The following NCK2 variants were observed in gnomAD, a reference collection of about 807,000 sequenced individuals.
NCK2 encodes NCK adaptor protein 2.
A neutral mutation model predicts 33.9 loss-of-function variants in NCK2; 16 were observed. That is an observed-to-expected ratio of 0.47 (90% CI 0.32 to 0.72). The LOEUF is 0.72. Among genes scored for constraint, NCK2 ranks in the 30% least tolerant of loss-of-function variants. The pLI is 0.03. For missense variants in NCK2, 418 were observed against 537.3 expected (o/e 0.78, Z 2.19); for synonymous variants, 273 against 239.9 (o/e 1.14, Z -1.27).
chr2:105,806,855 C>T (rs990327870), intron 1 of NCK2, among the ~76,000 whole-genome samples: 9 of 152,184 alleles, frequency 5.9e-5, no homozygotes, highest in African/African-American at 2.2e-4. Context: ...ACCCAACCAA[C>T]CATCCTACAG....
At chr2:105,880,481 T>C (rs1203062983) in intron 3 of NCK2, among the ~76,000 whole-genome samples, 1 of 152,172 alleles carries the variant, frequency 6.6e-6, no homozygotes, top group African/African-American at 2.4e-5. Context: ...AGGGCTGTTA[T>C]GCTGCCCAGG....
At chr2:105,844,710 G>A (rs927700167) in intron 2 of NCK2, among the ~76,000 whole-genome samples, 2 of 147,920 alleles carry the variant, frequency 1.4e-5, no homozygotes, top group Non-Finnish European at 3.0e-5. Flanking sequence ...ACTCCAGCCT[G>A]AGCAACAGAG....
chr2:105,819,882 T>C (rs1675656302), intron 2 of NCK2, among the ~76,000 whole-genome samples: 2 of 152,136 alleles, frequency 1.3e-5, no homozygotes, highest in African/African-American at 4.8e-5. Flanking sequence ...ACCTGTATTT[T>C]GGGCTATTTT....
chr2:105,802,696 G>A (rs1040777846), intron 1 of NCK2, among the ~76,000 whole-genome samples: 1 of 152,320 alleles, frequency 6.6e-6, no homozygotes, highest in Non-Finnish European at 1.5e-5. Flanking sequence ...CCGCCCTCGC[G>A]ATGCAGACAC....
chr2:105,876,375 A>C (rs372077930), intron 3 of NCK2, among the ~76,000 whole-genome samples: 15 of 152,208 alleles, frequency 9.9e-5, no homozygotes, highest in African/African-American at 3.4e-4. Flanking sequence ...GTGAGGACCC[A>C]CCTACCTCAC....
intron 1 of NCK2, among the ~76,000 whole-genome samples, chr2:105,762,425 T>C (rs1383519887): frequency 5.3e-5 from 8 of 152,144 alleles, no homozygotes; most frequent in Admixed American, 3.9e-4. Context: ...GTCTCTTCTG[T>C]AGTCTGGACT....
At chr2:105,835,391 A>ATATATATATATATATATATGTG (rs1558861842) in intron 2 of NCK2, among the ~76,000 whole-genome samples, 3 of 38,108 alleles carry the variant, frequency 7.9e-5, no homozygotes, top group African/African-American at 3.5e-4. Flanking sequence ...ATATACACAT[A>ATATATATATATATATATATGTG]TATATATATA....
At chr2:105,879,608 A>G (rs1678385168) in intron 3 of NCK2, among the ~76,000 whole-genome samples, 1 of 152,266 alleles carries the variant, frequency 6.6e-6, no homozygotes, top group Non-Finnish European at 1.5e-5. Context: ...AGAGGCCATT[A>G]GCATAAATGA....
chr2:105,852,381 A>G (rs1027124644), intron 2 of NCK2, among the ~76,000 whole-genome samples: 3 of 152,062 alleles, frequency 2.0e-5, no homozygotes, highest in African/African-American at 7.2e-5. Context: ...TTTCCCATCT[A>G]AGGCTCGGAA....
At chr2:105,847,537 C>T in intron 2 of NCK2, among the ~76,000 whole-genome samples, 1 of 151,790 alleles carries the variant, frequency 6.6e-6, no homozygotes, top group Non-Finnish European at 1.5e-5. Context: ...AACTGGCCTC[C>T]CTAGAAGTAA....
rs1004154669 is a variant in NCK2, at chr2:105,773,578, T to G, written c.-201+28440T>G. ...CTTTCCTTCCCCTTCCCCAGTCCTC[T>G]GTCAGCACCCAATACCATAGTATCC... is the stretch of plus-strand genomic sequence containing the variant. On this transcript the variant is annotated intron_variant, in intron 1 of 4. Coordinates refer to ENST00000233154, the MANE Select transcript of NCK2 (RefSeq NM_003581.5). Among the ~76,000 whole-genome samples the G allele has an allele frequency of 3.9e-5, 6 of 152,300 alleles. No individual in the cohort carries two copies. The East Asian group carries it at 1.2e-3, about 29-fold the overall frequency.
chr2:105,835,902 G>T (rs7574880), intron 2 of NCK2, among the ~76,000 whole-genome samples: 2,084 of 151,356 alleles, frequency 0.014, 48 homozygotes, highest in African/African-American at 0.048. Context: ...TCTTCTGCTT[G>T]ATCTAGTCTC....
chr2:105,801,408 G>A (rs543892840), intron 1 of NCK2, among the ~76,000 whole-genome samples: 66 of 151,684 alleles, frequency 4.4e-4, no homozygotes, highest in Non-Finnish European at 4.4e-5. Flanking sequence ...GTTGAGGGAT[G>A]TGCTTTTTTC....
chr2:105,769,810 A>G (rs1400047245), intron 1 of NCK2, among the ~76,000 whole-genome samples: 10 of 152,134 alleles, frequency 6.6e-5, no homozygotes, highest in Admixed American at 5.9e-4. Context: ...TAGAAGGTAA[A>G]CCGGAGAAAA....
chr2:105,848,119 A>G (rs1008851843), intron 2 of NCK2, among the ~76,000 whole-genome samples: 3 of 152,264 alleles, frequency 2.0e-5, no homozygotes, highest in Admixed American at 6.5e-5. Flanking sequence ...TTACGTGGAC[A>G]TTAGCAGAGC....
intron 1 of NCK2, among the ~76,000 whole-genome samples, chr2:105,756,720 C>A (rs1436778664): frequency 1.3e-5 from 2 of 152,222 alleles, no homozygotes; most frequent in African/African-American, 4.8e-5. Flanking sequence ...TATTGAAGTC[C>A]CCTCGTCCCT....
intron 1 of NCK2, among the ~76,000 whole-genome samples, chr2:105,792,996 C>G (rs1227339684): frequency 1.3e-5 from 2 of 152,154 alleles, no homozygotes; most frequent in Non-Finnish European, 2.9e-5. Flanking sequence ...CAGCTTTTCC[C>G]TAATGGTGGG....
intron 1 of NCK2, among the ~76,000 whole-genome samples, chr2:105,758,881 A>T (rs1689675860): frequency 6.6e-6 from 1 of 152,224 alleles, no homozygotes; most frequent in Non-Finnish European, 1.5e-5. Flanking sequence ...GCTTTGTTTA[A>T]CATCTGAAAC....
At chr2:105,879,568 T>C (rs1166939785) in intron 3 of NCK2, among the ~76,000 whole-genome samples, 1 of 152,272 alleles carries the variant, frequency 6.6e-6, no homozygotes, top group Non-Finnish European at 1.5e-5. Context: ...CCCATGCACA[T>C]GCATAAAATG....
Sources: gnomAD v4.1 joint callset for allele counts (sites outside exome capture counted in the v4.1 genomes callset) on GRCh38, gnomAD v4.1.1 for gene constraint, MANE v1.5 for transcripts, NCBI Gene and HGNC (gene_info 2026-07-23, HGNC 2026-07-21) for gene names.